GEMIN5: variants seen among roughly 807,000 people sequenced by gnomAD.
GEMIN5 encodes gem-associated protein 5.
GEMIN5 carries 124 observed loss-of-function variants against 176.9 expected under a neutral mutation model. The observed-to-expected ratio is 0.70, with a 90% CI of 0.61 to 0.81. The LOEUF (loss-of-function observed/expected upper bound fraction) is 0.81. Among genes scored for constraint, GEMIN5 ranks in the 40% least tolerant of loss-of-function variants. The pLI is 0.00. For synonymous variants in GEMIN5, 673 were observed against 665.2 expected (o/e 1.01, Z -0.18); for missense variants, 1,843 against 1,814.6 (o/e 1.02, Z -0.28).
At chr5:154,908,576 T>C (rs1052087988) in intron 15 of GEMIN5, among the ~76,000 whole-genome samples, 8 of 152,256 alleles carry the variant, frequency 5.3e-5, no homozygotes, top group South Asian at 2.1e-4. Context: ...CTGGAACAGT[T>C]AGTTGCATGG....
Position 154,911,756 on chromosome 5 carries a change from G to A in GEMIN5, c.2138C>T (p.Ser713Phe). 1 of 1,613,940 alleles carries A rather than the reference G, an allele frequency of 6.2e-7. No individual in the cohort carries two copies. ...DDFCVHKWLT[S>F]MQDHSRPPQG... is the part of the protein sequence containing the mutation. The stretch of plus-strand genomic sequence containing the variant: ...AGGAGGCCGGGAATGATCTTGCATG[G>A]AAGTGAGCCACTTGTGCACACAAAA... The change falls in exon 15 of 28, where the codon TCC (serine) becomes TTC (phenylalanine). Residue 713 changes from serine to phenylalanine, a missense_variant. Coordinates refer to ENST00000285873, the MANE Select transcript of GEMIN5 (RefSeq NM_015465.5).
At chr5:154,909,868 A>G (rs140830060) in intron 15 of GEMIN5, among the ~76,000 whole-genome samples, 1 of 151,926 alleles carries the variant, frequency 6.6e-6, no homozygotes, top group Non-Finnish European at 1.5e-5. Flanking sequence ...AGTCACAGCT[A>G]CTCAAAAGGC....
At chr5:154,909,865 G>A (rs147996733) in intron 15 of GEMIN5, among the ~76,000 whole-genome samples, 55 of 152,136 alleles carry the variant, frequency 3.6e-4, no homozygotes, top group African/African-American at 1.3e-3. Flanking sequence ...TATAGTCACA[G>A]CTACTCAAAA....
At chr5:154,910,730 G>A (rs959334816) in intron 15 of GEMIN5, among the ~76,000 whole-genome samples, 5 of 152,092 alleles carry the variant, frequency 3.3e-5, no homozygotes, top group African/African-American at 7.2e-5. Context: ...ACGGAGTCTC[G>A]CTGTGTCACC....
At chr5:154,930,258 C>T (rs115749014) in intron 5 of GEMIN5, among the ~76,000 whole-genome samples, 2 of 152,206 alleles carry the variant, frequency 1.3e-5, no homozygotes. Context: ...GATAGGGGAA[C>T]GACACAGCAG....
chr5:154,932,525 G>GGACCAT (rs1185866945), intron 3 of GEMIN5, among the ~76,000 whole-genome samples: 1 of 152,092 alleles, frequency 6.6e-6, no homozygotes, highest in East Asian at 1.9e-4. Flanking sequence ...AACTCACAGT[G>GGACCAT]GACCATGATT....
At chr5:154,911,355 CA>C (rs1261686640) in intron 15 of GEMIN5, among the ~76,000 whole-genome samples, 1 of 152,020 alleles carries the variant, frequency 6.6e-6, no homozygotes, top group Non-Finnish European at 1.5e-5. Context: ...CTACTAAAAA[CA>C]CAAAAAAATT....
At chr5:154,928,440 G>T in intron 6 of GEMIN5, 87 bp downstream of exon 6, 2 of 1,170,084 alleles carry the variant, frequency 1.7e-6, no homozygotes, top group South Asian at 1.3e-5. Flanking sequence ...TACAAGCCTT[G>T]GCCATTACTT....
chr5:154,928,383 A>C (rs1316376715), intron 6 of GEMIN5, 144 bp downstream of exon 6: 13 of 710,580 alleles, frequency 1.8e-5, no homozygotes, highest in Non-Finnish European at 2.5e-6. Flanking sequence ...AGTAGATAGC[A>C]CAGGCATTAG....
At chr5:154,921,581 G>A (rs1055765410) in intron 9 of GEMIN5, among the ~76,000 whole-genome samples, 156 bp from the exon 10 acceptor site, 7 of 152,066 alleles carry the variant, frequency 4.6e-5, no homozygotes, top group African/African-American at 1.7e-4. Context: ...ATAGTTGACT[G>A]TAAAGCAGTT....
At position 154,916,971 on chromosome 5, in the gene GEMIN5, C is replaced by G. The variant is rs375145650; in HGVS notation, c.1855+27G>C. The stretch of plus-strand genomic sequence containing the variant: ...AAAGTAGCTGAACAAACGATATCAT[C>G]CCCAGTATGAAAGAAACCAAAGTTA... On this transcript the variant is annotated intron_variant, in intron 13 of 27. Coordinates refer to ENST00000285873, the MANE Select transcript of GEMIN5 (RefSeq NM_015465.5). 26 of 1,336,472 alleles carry G rather than the reference C, an allele frequency of 1.9e-5. No homozygotes were observed. In the African/African-American group the frequency reaches 2.5e-4, roughly 13 times the overall value. The allele number at this position is 1,336,472 out of a possible 1,614,324, so 82.8% of individuals were successfully genotyped here.
chr5:154,915,822 C>T (rs1415615991), intron 13 of GEMIN5, among the ~76,000 whole-genome samples: 5 of 152,056 alleles, frequency 3.3e-5, no homozygotes, highest in East Asian at 1.9e-4. Flanking sequence ...TTTGGAGAGC[C>T]GCTTAGCAGT....
chr5:154,905,182 G>T (rs1763544916), intron 17 of GEMIN5, among the ~76,000 whole-genome samples, 181 bp downstream of exon 17: 1 of 151,996 alleles, frequency 6.6e-6, no homozygotes, highest in Non-Finnish European at 1.5e-5. Context: ...TGACTGGAGT[G>T]AAAATCTGTC....
chr5:154,898,783 C>G, intron 22 of GEMIN5, 133 bp from the exon 23 acceptor site: 2 of 736,532 alleles, frequency 2.7e-6, no homozygotes, highest in Non-Finnish European at 4.6e-6. Context: ...GTCACTGCCC[C>G]GGTTGTTCCT....
In GEMIN5 at chr5:154,932,253, A is replaced by T; in HGVS notation, c.510-3T>A. ...TCACCACTATGCCATCCTTGTAGCT[A>T]AAAAACAAGAGTTAGAAATATTACT... On this transcript the variant is annotated splice_region_variant and splice_polypyrimidine_tract_variant and intron_variant, in intron 3 of 27. Transcript: ENST00000285873. 1 of 1,597,164 alleles carries T rather than the reference A, an allele frequency of 6.3e-7. No homozygotes were observed. Among genetic ancestry groups the T allele is most frequent in the Non-Finnish European group, 8.6e-7 (1 of 1,168,104 alleles).
At position 154,898,575 on chromosome 5, in the gene GEMIN5, C is replaced by T. The variant is rs148426811; in HGVS notation, c.3210G>A (p.Thr1070=). The T allele has an allele frequency of 1.6e-4, 258 of 1,614,140 alleles. No individual in the cohort carries two copies. The highest frequency in any genetic ancestry group is 1.2e-4 in the Non-Finnish European group (143 of 1,180,008). ...AKKGDAASLR[T]AAELAAIVGE... is the part of the protein sequence containing the mutation. ...CTACGATGGCAGCCAACTCTGCAGC[C>T]GTTCTAAGTGATGCCGCATCCCCCT... Residue 1070 remains threonine (T), a synonymous_variant, in exon 23 of 28, where the codon ACG becomes ACA. Transcript: ENST00000285873.
intron 4 of GEMIN5, chr5:154,931,823 T>G: frequency 2.0e-6 from 1 of 490,572 alleles, no homozygotes; most frequent in Non-Finnish European, 3.6e-6. Flanking sequence ...AAGACCAGCC[T>G]GACCAACATG....
Position 154,902,615 on chromosome 5 carries a change from T to C in GEMIN5, c.2790A>G (p.Gly930=). 6.2e-7 allele frequency: 1 copy of C among 1,614,010 alleles called. No homozygotes were observed. Among genetic ancestry groups the C allele is most frequent in the Non-Finnish European group, 8.5e-7 (1 of 1,179,834 alleles). ...ELFHQLMLWK[G]DLKGVLQTAA... Reference sequence around the variant, plus strand: ...CAGTCTGGAGAACACCTTTGAGATCTCCTTTCCAAAGCATAAGCTGGTGAA... The same window carrying C: ...CAGTCTGGAGAACACCTTTGAGATCCCCTTTCCAAAGCATAAGCTGGTGAA... The change falls in exon 20 of 28, where the codon GGA becomes GGG. Residue 930 remains glycine (G), a synonymous_variant. Transcript: ENST00000285873.
intron 22 of GEMIN5, 132 bp from the exon 23 acceptor site, chr5:154,898,782 C>T: frequency 2.7e-6 from 2 of 736,448 alleles, no homozygotes; most frequent in Non-Finnish European, 4.6e-6. Flanking sequence ...TGTCACTGCC[C>T]CGGTTGTTCC....
Sources: gnomAD v4.1 joint callset for allele counts (sites outside exome capture counted in the v4.1 genomes callset) on GRCh38, gnomAD v4.1.1 for gene constraint, MANE v1.5 for transcripts, NCBI Gene and HGNC (gene_info 2026-07-23, HGNC 2026-07-21) for gene names.